S100Z: variants seen among roughly 807,000 people sequenced by gnomAD.
S100Z encodes the protein protein S100-Z.
In S100Z, 11 loss-of-function variants were observed where a neutral mutation model predicts 8.5. That is an observed-to-expected ratio of 1.30 (90% CI 0.82 to 2.15). S100Z has a LOEUF of 2.15. Among genes scored for constraint, S100Z ranks in the 30% most tolerant of loss-of-function variants. The pLI is 0.00. For synonymous variants in S100Z, 34 were observed against 43.8 expected, an observed-to-expected ratio of 0.78 and a Z score of 0.89; for missense variants, 126 against 117.9, an observed-to-expected ratio of 1.07 and a Z score of -0.32.
At chr5:76,852,734 A>C (rs1181882692) in intron 1 of S100Z, among the ~76,000 whole-genome samples, 1 of 152,182 alleles carries the variant, frequency 6.6e-6, no homozygotes, top group Non-Finnish European at 1.5e-5. Context: ...ACAAACAAAC[A>C]AAAAACAGCA....
At chr5:76,879,815 C>T (rs767221210) in intron 4 of S100Z, among the ~76,000 whole-genome samples, 2 of 151,946 alleles carry the variant, frequency 1.3e-5, no homozygotes, top group Non-Finnish European at 2.9e-5. Context: ...GAAGACAGCA[C>T]GTGGAGAAGG....
In S100Z at chr5:76,875,329, T is replaced by A. The variant is rs537689430; in HGVS notation, c.-31T>A. On this transcript the variant is annotated 5_prime_UTR_variant, in exon 3 of 5. Coordinates refer to ENST00000317593, the MANE Select transcript of S100Z (RefSeq NM_130772.4). ...TGTCTTCTCCCCGGGTTTGGTGGCCTGCTTCTGGAGTGGTCAGTTCTGCTG... is the reference window on the plus strand; with the variant it reads ...TGTCTTCTCCCCGGGTTTGGTGGCCAGCTTCTGGAGTGGTCAGTTCTGCTG... 6.3e-7 allele frequency: 1 copy of A among 1,584,658 alleles called. No homozygotes were observed. Among genetic ancestry groups the A allele is most frequent in the South Asian group, 1.1e-5 (1 of 87,332 alleles).
At chr5:76,868,281 G>A (rs1195711690) in intron 1 of S100Z, among the ~76,000 whole-genome samples, 2 of 152,132 alleles carry the variant, frequency 1.3e-5, no homozygotes, top group Non-Finnish European at 2.9e-5. Flanking sequence ...CCTGGAGATT[G>A]ACACTAAGGG....
intron 4 of S100Z, among the ~76,000 whole-genome samples, chr5:76,892,841 G>A (rs1332593489): frequency 6.6e-6 from 1 of 152,188 alleles, no homozygotes; most frequent in Non-Finnish European, 1.5e-5. Context: ...ACTTAGAGTA[G>A]AAGAAGCAAT....
At chr5:76,925,757 A>G (rs1475747959), downstream of S100Z, among the ~76,000 whole-genome samples, 7 of 152,054 alleles carry the variant, frequency 4.6e-5, no homozygotes, top group African/African-American at 1.7e-4. Flanking sequence ...ACTTGAGGTG[A>G]GGAGTTTAGG....
At chr5:76,850,329 G>T (rs1750686362) in intron 1 of S100Z, among the ~76,000 whole-genome samples, 174 bp downstream of exon 1, 1 of 122,736 alleles carries the variant, frequency 8.1e-6, no homozygotes, top group South Asian at 2.8e-4. Flanking sequence ...GGGTCGGGGG[G>T]GTGGGGGAGA....
At chr5:76,907,035 T>C (rs185662450) in intron 4 of S100Z, among the ~76,000 whole-genome samples, 14 of 134,832 alleles carry the variant, frequency 1.0e-4, no homozygotes, top group African/African-American at 3.7e-4. Flanking sequence ...CATATATATA[T>C]ACCAAATTTT....
chr5:76,888,236 G>A (rs1743717771), intron 4 of S100Z, among the ~76,000 whole-genome samples: 1 of 147,534 alleles, frequency 6.8e-6, no homozygotes, highest in Non-Finnish European at 1.5e-5. Context: ...CAGCCTGGGT[G>A]ACAGAGCAAG....
chr5:76,909,726 G>C (rs905548282), intron 4 of S100Z, among the ~76,000 whole-genome samples: 1 of 152,172 alleles, frequency 6.6e-6, no homozygotes, highest in Non-Finnish European at 1.5e-5. Context: ...CCCAACCTGG[G>C]TACATGTCCC....
At chr5:76,854,865 A>G (rs1408508381) in intron 1 of S100Z, among the ~76,000 whole-genome samples, 1 of 152,236 alleles carries the variant, frequency 6.6e-6, no homozygotes, top group East Asian at 1.9e-4. Flanking sequence ...GGAGGGAAGA[A>G]TGGTTTCATG....
At chr5:76,900,073 C>T (rs1744177911) in intron 4 of S100Z, among the ~76,000 whole-genome samples, 1 of 152,158 alleles carries the variant, frequency 6.6e-6, no homozygotes, top group Admixed American at 6.5e-5. Flanking sequence ...CTCTCTTGGC[C>T]TGTAAGGTTT....
At chr5:76,952,544 T>G in the S100Z span, among the ~76,000 whole-genome samples, 1 of 152,266 alleles carries the variant, frequency 6.6e-6, no homozygotes, top group African/African-American at 2.4e-5. Flanking sequence ...CTGTTCCACC[T>G]CTTTAAAGCT....
At chr5:76,882,072 G>A (rs150066692) in intron 4 of S100Z, among the ~76,000 whole-genome samples, 1 of 152,206 alleles carries the variant, frequency 6.6e-6, no homozygotes, top group Non-Finnish European at 1.5e-5. Flanking sequence ...CTTTGCAAGA[G>A]TGAGGGCTTG....
intron 4 of S100Z, among the ~76,000 whole-genome samples, chr5:76,902,164 G>A (rs1744251788): frequency 6.6e-6 from 1 of 152,106 alleles, no homozygotes; most frequent in Non-Finnish European, 1.5e-5. Context: ...GCCTCCAGCT[G>A]TATAGCCCAG....
chr5:76,902,671 T>G (rs567308830), intron 4 of S100Z, among the ~76,000 whole-genome samples: 1 of 151,960 alleles, frequency 6.6e-6, no homozygotes, highest in South Asian at 2.1e-4. Flanking sequence ...TTTTTTTCTG[T>G]GTAGATAGTT....
intron 4 of S100Z, among the ~76,000 whole-genome samples, chr5:76,883,144 T>A (rs1267456176): frequency 6.6e-6 from 1 of 151,624 alleles, no homozygotes; most frequent in Non-Finnish European, 1.5e-5. Context: ...TGGCATTGAG[T>A]GGGGTAAGGG....
chr5:76,931,798 T>C, the S100Z span, among the ~76,000 whole-genome samples: 66 of 136,252 alleles, frequency 4.8e-4, no homozygotes, highest in African/African-American at 1.7e-3. Flanking sequence ...TTGGGTTTTT[T>C]TTATTCTTCT....
At chr5:76,950,401 A>T in the S100Z span, among the ~76,000 whole-genome samples, 1 of 152,148 alleles carries the variant, frequency 6.6e-6, no homozygotes, top group African/African-American at 2.4e-5. Flanking sequence ...CACAATTTTA[A>T]ATTCTGCACC....
chr5:76,886,112 C>T (rs1743619633), intron 4 of S100Z, among the ~76,000 whole-genome samples: 2 of 152,156 alleles, frequency 1.3e-5, no homozygotes, highest in South Asian at 4.2e-4. Flanking sequence ...TCAAGGGGTG[C>T]TTGCCCCCCA....
Sources: gnomAD v4.1 joint callset for allele counts (sites outside exome capture counted in the v4.1 genomes callset) on GRCh38, gnomAD v4.1.1 for gene constraint, MANE v1.5 for transcripts, NCBI Gene and HGNC (gene_info 2026-07-23, HGNC 2026-07-21) for gene names.